The following KLHL3 variants were observed in gnomAD, a reference collection of about 807,000 sequenced individuals.
KLHL3 encodes the protein kelch like family member 3.
Under a neutral mutation model 70.5 loss-of-function variants are expected in KLHL3, and 19 were observed. That is an observed-to-expected ratio of 0.27 (90% CI 0.19 to 0.40). The LOEUF is 0.40. KLHL3 is among the 10% of genes least tolerant of loss of function. The pLI is 1.00. For missense variants in KLHL3, 512 were observed against 771.1 expected, an observed-to-expected ratio of 0.66 and a Z score of 3.98; for synonymous variants, 258 against 290.3, an observed-to-expected ratio of 0.89 and a Z score of 1.13.
intron 5 of KLHL3, among the ~76,000 whole-genome samples, chr5:137,681,649 T>C (rs1752028864): frequency 6.6e-6 from 1 of 152,118 alleles, no homozygotes; most frequent in African/African-American, 2.4e-5. Context: ...TAGTACCTTT[T>C]AACCATGGGT....
chr5:137,652,050 C>CA (rs1215821799), intron 8 of KLHL3, among the ~76,000 whole-genome samples: 1 of 150,610 alleles, frequency 6.6e-6, no homozygotes, highest in African/African-American at 2.4e-5. Context: ...AGAACAACAA[C>CA]AAAAAAAAAC....
At chr5:137,718,282 C>G (rs766728027) in intron 2 of KLHL3, among the ~76,000 whole-genome samples, 10 of 152,046 alleles carry the variant, frequency 6.6e-5, no homozygotes, top group Admixed American at 6.6e-5. Flanking sequence ...AAGAGAAAAA[C>G]CTAGTAACTT....
At chr5:137,659,469 C>T (rs1029355773) in intron 7 of KLHL3, among the ~76,000 whole-genome samples, 2 of 152,178 alleles carry the variant, frequency 1.3e-5, no homozygotes, top group Admixed American at 6.5e-5. Flanking sequence ...GACCACCTCC[C>T]TCCCCAGAGA....
In KLHL3 at chr5:137,730,930, G is replaced by GA. The variant is rs913546325; in HGVS notation, c.14+4702dup. On this transcript the variant is annotated intron_variant, in intron 1 of 14. Transcript: ENST00000309755. Reference sequence around the variant, plus strand: ...TGAGAGGCATTGAACTTATTTAACAGAAAAAAAAATCTACCAACACATGTT... The same window carrying GA: ...TGAGAGGCATTGAACTTATTTAACAGAAAAAAAAAATCTACCAACACATGTT... 6.7e-5 allele frequency among the ~76,000 whole-genome samples: 10 copies of GA among 148,806 alleles called. No homozygotes were observed. In the East Asian group the frequency reaches 7.9e-4, roughly 12 times the overall value.
In KLHL3 at chr5:137,637,390, C is replaced by G. The variant is rs1750795459; in HGVS notation, c.1225G>C (p.Ala409Pro). Residue 409 changes from alanine (A) to proline (P), a missense_variant, in exon 11 of 15, where the codon GCA becomes CCA. Coordinates refer to ENST00000309755, the MANE Select transcript of KLHL3 (RefSeq NM_017415.3). Reference protein sequence around the residue: ...VGGFDGSTGLASVEAYSYKTN... With the variant: ...VGGFDGSTGLPSVEAYSYKTN... ...TTGTAGCTGTAGGCTTCCACCGATGCTAGGCCTGGGAGACAAGAGACTCAT... is the reference window on the plus strand; with the variant it reads ...TTGTAGCTGTAGGCTTCCACCGATGGTAGGCCTGGGAGACAAGAGACTCAT... 2 of 1,613,764 alleles carry G rather than the reference C, an allele frequency of 1.2e-6. No individual in the cohort carries two copies. The highest frequency in any genetic ancestry group is 2.2e-5 in the South Asian group (2 of 91,080).
In KLHL3 at chr5:137,633,986, C is replaced by A. The variant is rs765414366; in HGVS notation, c.1450+51G>T. ...AAAATAAAACAAAAAAATTTAAGGACCCACTTGTGAGCAAATCAGACACAG... is the reference window on the plus strand; with the variant it reads ...AAAATAAAACAAAAAAATTTAAGGAACCACTTGTGAGCAAATCAGACACAG... On this transcript the variant is annotated intron_variant, in intron 12 of 14. Transcript: ENST00000309755. 2.3e-5 allele frequency: 37 copies of A among 1,612,588 alleles called. No homozygotes were observed. In the South Asian group the frequency reaches 3.6e-4, roughly 16 times the overall value.
chr5:137,716,191 T>A (rs573022207), intron 2 of KLHL3, among the ~76,000 whole-genome samples: 8 of 151,982 alleles, frequency 5.3e-5, no homozygotes, highest in Non-Finnish European at 1.0e-4. Context: ...TTCAATATAG[T>A]GTTAAGTTAG....
intron 13 of KLHL3, among the ~76,000 whole-genome samples, chr5:137,627,126 C>A (rs1027981430): frequency 1.3e-5 from 2 of 151,946 alleles, no homozygotes; most frequent in Admixed American, 6.6e-5. Flanking sequence ...ATGGAAATAA[C>A]CTGTGTCCAA....
At chr5:137,630,523 G>A (rs1031154944) in intron 12 of KLHL3, among the ~76,000 whole-genome samples, 2 of 152,176 alleles carry the variant, frequency 1.3e-5, no homozygotes. Context: ...ACATCTCAGG[G>A]TGTGCTGCCC....
At chr5:137,717,458 A>C (rs1752916181) in intron 2 of KLHL3, among the ~76,000 whole-genome samples, 1 of 151,156 alleles carries the variant, frequency 6.6e-6, no homozygotes, top group Non-Finnish European at 1.5e-5. Context: ...TGAACCCGGG[A>C]GGTGGAGGTT....
At chr5:137,679,245 A>T (rs557982287) in intron 5 of KLHL3, among the ~76,000 whole-genome samples, 112 of 152,182 alleles carry the variant, frequency 7.4e-4, no homozygotes, top group Non-Finnish European at 1.3e-3. Context: ...TTTGGACCAC[A>T]GTCCCCTGTC....
intron 1 of KLHL3, among the ~76,000 whole-genome samples, chr5:137,733,574 A>T (rs1753213936): frequency 6.6e-6 from 1 of 152,230 alleles, no homozygotes; most frequent in South Asian, 2.1e-4. Context: ...CAACTATGAG[A>T]TACAAACCAG....
At chr5:137,708,277 G>A (rs1752723203) in intron 3 of KLHL3, among the ~76,000 whole-genome samples, 1 of 152,176 alleles carries the variant, frequency 6.6e-6, no homozygotes, top group South Asian at 2.1e-4. Flanking sequence ...AACTCTCAGT[G>A]CACAAGTGCC....
At chr5:137,689,491 C>T (rs1371555823) in intron 5 of KLHL3, among the ~76,000 whole-genome samples, 1 of 152,148 alleles carries the variant, frequency 6.6e-6, no homozygotes, top group East Asian at 1.9e-4. Flanking sequence ...TACTACGCAG[C>T]CATAAAAAAG....
intron 2 of KLHL3, among the ~76,000 whole-genome samples, chr5:137,718,063 T>C (rs1316336553): frequency 1.3e-5 from 2 of 152,232 alleles, no homozygotes; most frequent in Non-Finnish European, 2.9e-5. Context: ...CAGCGTTTAA[T>C]ATGCCAGTAT....
chr5:137,626,525 A>G lies in KLHL3; in HGVS notation c.1592-629T>C, dbSNP rs1007973975. ...AAAATGTAATGAATTATTGCTCATT[A>G]AGACTTTCAAAGGCCACAGTCCAAT... On this transcript the variant is annotated intron_variant, in intron 13 of 14. Transcript: ENST00000309755. Among the ~76,000 whole-genome samples, 6 of 152,364 alleles carry G rather than the reference A, an allele frequency of 3.9e-5. No homozygotes were observed. The East Asian group carries it at 1.2e-3, about 29-fold the overall frequency.
intron 5 of KLHL3, 69 bp from the exon 6 acceptor site, chr5:137,677,723 A>G (rs774898546): frequency 2.2e-4 from 210 of 959,064 alleles, no homozygotes; most frequent in Middle Eastern, 6.6e-4. Flanking sequence ...TTCCATGACA[A>G]TCTGTGGGAT....
chr5:137,698,139 GC>G (rs1752488975), intron 4 of KLHL3, 147 bp downstream of exon 4: 1 of 1,010,490 alleles, frequency 9.9e-7, no homozygotes, highest in Non-Finnish European at 1.4e-6. Context: ...TGGCCATGTG[GC>G]CCAGGGCAGG....
At position 137,677,653 on chromosome 5, in the gene KLHL3, C is replaced by A; in HGVS notation, c.528G>T (p.Glu176Asp). 1 of 1,539,630 alleles carries A rather than the reference C, an allele frequency of 6.5e-7. No homozygotes were observed. Residue 176 changes from glutamate (E) to aspartate (D), a missense_variant and splice_region_variant, in exon 6 of 15, where the codon GAG (glutamate) becomes GAT (aspartate). Glu to Asp is a conservative substitution (Grantham distance 45, BLOSUM62 2). Transcript: ENST00000309755. Reference protein sequence around the residue: ...DLLQQANAYAEQHFPEVMLGE... With the variant: ...DLLQQANAYADQHFPEVMLGE... ...CTAGCATCACCTCTGGAAAGTGCTG[C>A]TCTGTTCCAAAAAAAAAAAAAAGAA...
Sources: allele counts gnomAD v4.1 joint callset (sites outside exome capture counted in the v4.1 genomes callset), GRCh38; gene constraint gnomAD v4.1.1; transcripts MANE v1.5; gene names NCBI Gene and HGNC (gene_info 2026-07-23, HGNC 2026-07-21).